The following CPED1 variants were observed in gnomAD, a reference collection of about 807,000 sequenced individuals.
CPED1 encodes the protein cadherin like and PC-esterase domain containing 1, also known as cadherin-like and PC-esterase domain-containing protein 1.
In CPED1, 114 loss-of-function variants were observed where a neutral mutation model predicts 128.2. The observed-to-expected ratio is 0.89, with a 90% confidence interval of 0.76 to 1.04. The LOEUF is 1.04. CPED1 is among the 50% of genes least tolerant of loss of function. The pLI is 0.00. For missense variants in CPED1, 1,211 were observed against 1,207.1 expected, an observed-to-expected ratio of 1.00 and a Z score of -0.05; for synonymous variants, 462 against 426.7, an observed-to-expected ratio of 1.08 and a Z score of -1.02.
At chr7:121,180,683 A>T (rs1796880824) in intron 16 of CPED1, among the ~76,000 whole-genome samples, 1 of 152,000 alleles carries the variant, frequency 6.6e-6, no homozygotes, top group South Asian at 2.1e-4. Flanking sequence ...TGGAGAAGAG[A>T]AGAGAGAACA....
chr7:121,156,984 G>A (rs1796300159), intron 16 of CPED1, among the ~76,000 whole-genome samples: 1 of 152,152 alleles, frequency 6.6e-6, no homozygotes, highest in East Asian at 1.9e-4. Flanking sequence ...TGCTTGATAT[G>A]TATTGTCAGT....
At chr7:121,048,945 A>G (rs1336551158) in intron 4 of CPED1, among the ~76,000 whole-genome samples, 1 of 152,172 alleles carries the variant, frequency 6.6e-6, no homozygotes, top group East Asian at 1.9e-4. Context: ...AATCTTGCTC[A>G]ATGGTTTTTC....
chr7:121,151,881 C>A (rs1376933806), intron 16 of CPED1, among the ~76,000 whole-genome samples: 1 of 137,630 alleles, frequency 7.3e-6, no homozygotes, highest in Non-Finnish European at 1.6e-5. Flanking sequence ...ACATTTCCTT[C>A]AATAGGCATG....
At chr7:121,005,201 T>C (rs1360159863) in intron 2 of CPED1, among the ~76,000 whole-genome samples, 2 of 152,184 alleles carry the variant, frequency 1.3e-5, no homozygotes, top group East Asian at 3.9e-4. Flanking sequence ...GTTCCTGTGT[T>C]AGTTTGCTGA....
chr7:121,164,274 A>G (rs1796473314), intron 16 of CPED1, among the ~76,000 whole-genome samples: 1 of 152,214 alleles, frequency 6.6e-6, no homozygotes, highest in South Asian at 2.1e-4. Context: ...CTGGTCTAGT[A>G]CACTTCTTTA....
intron 2 of CPED1, among the ~76,000 whole-genome samples, chr7:121,005,162 G>A (rs1389456854): frequency 1.3e-5 from 2 of 152,284 alleles, no homozygotes; most frequent in South Asian, 2.1e-4. Flanking sequence ...TCCTGCTTAT[G>A]AGCGAGAACA....
intron 3 of CPED1, among the ~76,000 whole-genome samples, chr7:121,035,252 T>G (rs946549994): frequency 6.6e-6 from 1 of 152,120 alleles, no homozygotes; most frequent in African/African-American, 2.4e-5. Flanking sequence ...CTGACAAGGA[T>G]GAGATCTGTA....
chr7:121,024,395 G>A (rs1792516929), intron 3 of CPED1, among the ~76,000 whole-genome samples: 1 of 152,114 alleles, frequency 6.6e-6, no homozygotes, highest in Non-Finnish European at 1.5e-5. Flanking sequence ...AAACTAAACT[G>A]CTTCCTTAAA....
In CPED1 at chr7:121,124,383, T is replaced by C; in HGVS notation, c.971T>C (p.Phe324Ser). The C allele has an allele frequency of 6.2e-7, 1 of 1,609,768 alleles. No individual in the cohort carries two copies. The highest frequency in any genetic ancestry group is 8.5e-7 in the Non-Finnish European group (1 of 1,177,418). The change falls in exon 8 of 23, where the codon TTT (phenylalanine) becomes TCT (serine). Residue 324 changes from phenylalanine to serine, a missense_variant. Phe to Ser is a radical substitution (Grantham distance 155). Transcript: ENST00000310396. ...FLRASSPQQA[F>S]DIMKEAIGKL... is the part of the protein sequence containing the mutation. Reference sequence around the variant, plus strand: ...AGAGCCAGTTCACCTCAACAGGCTTTTGACATTATGAAGGAAGCAATTGGC... The same window carrying C: ...AGAGCCAGTTCACCTCAACAGGCTTCTGACATTATGAAGGAAGCAATTGGC...
chr7:121,149,648 G>A (rs1796107060), intron 16 of CPED1: 1 of 152,226 alleles, frequency 6.6e-6, no homozygotes, highest in Admixed American at 6.5e-5. Context: ...GTTTCTGTAA[G>A]TACTGTCTCT....
intron 4 of CPED1, among the ~76,000 whole-genome samples, chr7:121,058,768 A>G (rs749491136): frequency 3.3e-5 from 5 of 152,246 alleles, no homozygotes; most frequent in African/African-American, 7.2e-5. Context: ...CTGTCACTCT[A>G]TAACAGGAAT....
chr7:121,097,729 G>T lies in CPED1; in HGVS notation c.647G>T (p.Cys216Phe), dbSNP rs907959230. 6.2e-7 allele frequency: 1 copy of T among 1,613,704 alleles called. No homozygotes were observed. The highest frequency in any genetic ancestry group is 8.5e-7 in the Non-Finnish European group (1 of 1,179,788). Residue 216 changes from cysteine to phenylalanine, a missense_variant, in exon 6 of 23, where the codon TGT becomes TTT. By Grantham distance (205) the Cys-to-Phe change is radical. Coordinates refer to ENST00000310396, the MANE Select transcript of CPED1 (RefSeq NM_024913.5). ...CAACTTCCAGTGAGTCCCTCTGTGT[G>T]TCTGGATCAGGGAATGCAATTAAAG... ...ELQLPVSPSVCLDQGMQLKPS... is the reference protein window; with the variant it reads ...ELQLPVSPSVFLDQGMQLKPS...
intron 3 of CPED1, among the ~76,000 whole-genome samples, chr7:121,036,087 G>A (rs1444914598): frequency 6.6e-6 from 1 of 151,952 alleles, no homozygotes; most frequent in African/African-American, 2.4e-5. Flanking sequence ...AGTAATAAAG[G>A]TAAAGGAAAG....
intron 12 of CPED1, among the ~76,000 whole-genome samples, chr7:121,130,897 G>A (rs1319021717): frequency 6.6e-6 from 1 of 152,012 alleles, no homozygotes; most frequent in Non-Finnish European, 1.5e-5. Context: ...AGTAATTAGG[G>A]AATAAGAGGG....
chr7:121,145,946 A>G (rs1196603322), intron 16 of CPED1, among the ~76,000 whole-genome samples: 1 of 152,086 alleles, frequency 6.6e-6, no homozygotes, highest in Non-Finnish European at 1.5e-5. Flanking sequence ...AACTTTTATT[A>G]TATTTTATTT....
At chr7:121,125,462 C>A (rs1442016693) in intron 8 of CPED1, among the ~76,000 whole-genome samples, 1 of 152,146 alleles carries the variant, frequency 6.6e-6, no homozygotes, top group Non-Finnish European at 1.5e-5. Context: ...CCTCTCCTTG[C>A]CCCCCAACCC....
In CPED1 at chr7:121,133,886, T is replaced by A; in HGVS notation, c.1641T>A (p.Asn547Lys). 6.5e-7 allele frequency: 1 copy of A among 1,541,184 alleles called. No individual in the cohort carries two copies. Among genetic ancestry groups the A allele is most frequent in the Non-Finnish European group, 8.9e-7 (1 of 1,122,978 alleles). Reference sequence around the variant, plus strand: ...AAGTGCCATTTGATGCAATAGAAAATAAAAAAGGTAAAAATATAGATATTC... The same window carrying A: ...AAGTGCCATTTGATGCAATAGAAAAAAAAAAAGGTAAAAATATAGATATTC... ...KPQVPFDAIE[N>K]KKAAVPQIKN... The change falls in exon 13 of 23, where the codon AAT (asparagine) becomes AAA (lysine). Residue 547 changes from asparagine to lysine, a missense_variant. Coordinates refer to ENST00000310396, the MANE Select transcript of CPED1 (RefSeq NM_024913.5).
intron 4 of CPED1, among the ~76,000 whole-genome samples, chr7:121,048,137 G>T (rs1317004992): frequency 6.6e-6 from 1 of 151,994 alleles, no homozygotes; most frequent in Non-Finnish European, 1.5e-5. Flanking sequence ...CTCCAATCCT[G>T]AAATTTCAAC....
At chr7:121,091,137 C>T (rs1794562823) in intron 5 of CPED1, among the ~76,000 whole-genome samples, 1 of 149,422 alleles carries the variant, frequency 6.7e-6, no homozygotes, top group South Asian at 2.1e-4. Flanking sequence ...TATGTCTGAA[C>T]AAAATACAGA....
Sources: allele counts gnomAD v4.1 joint callset (sites outside exome capture counted in the v4.1 genomes callset), GRCh38; gene constraint gnomAD v4.1.1; transcripts MANE v1.5; gene names NCBI Gene and HGNC (gene_info 2026-07-23, HGNC 2026-07-21).